Variants in PARPBP observed in about 807,000 individuals in gnomAD.
The protein encoded by PARPBP is PCNA-interacting partner.
A neutral mutation model predicts 50.0 loss-of-function variants in PARPBP; 52 were observed. The ratio of observed to expected loss-of-function variants is 1.04; its 90% CI spans 0.83 to 1.31. The LOEUF (loss-of-function observed/expected upper bound fraction) is 1.31, where lower values mean the gene tolerates loss of function less well. PARPBP is among the 50% of genes most tolerant of loss of function. The pLI is 0.00. For missense variants in PARPBP, 697 were observed against 672.0 expected, an observed-to-expected ratio of 1.04 and a Z score of -0.41; for synonymous variants, 244 against 232.1, an observed-to-expected ratio of 1.05 and a Z score of -0.47.
intron 4 of PARPBP, among the ~76,000 whole-genome samples, chr12:102,155,580 G>A (rs1045552258): frequency 1.6e-5 from 2 of 126,308 alleles, no homozygotes; most frequent in African/African-American, 3.0e-5. Context: ...ATCATCTATC[G>A]CCTGAGAGCA....
At chr12:102,168,201 A>G (rs1888343729) in intron 6 of PARPBP, among the ~76,000 whole-genome samples, 1 of 152,134 alleles carries the variant, frequency 6.6e-6, no homozygotes, top group Non-Finnish European at 1.5e-5. Flanking sequence ...GTTTTGGAAA[A>G]GAGCAGAGAT....
chr12:102,161,264 T>C (rs1003385525), intron 4 of PARPBP, among the ~76,000 whole-genome samples: 1 of 151,692 alleles, frequency 6.6e-6, no homozygotes, highest in Non-Finnish European at 1.5e-5. Context: ...TGCCACCACG[T>C]CCAGCTAATT....
chr12:102,138,918 G>T (rs184030108), intron 2 of PARPBP, among the ~76,000 whole-genome samples: 2 of 152,202 alleles, frequency 1.3e-5, no homozygotes, highest in African/African-American at 4.8e-5. Context: ...AAGTCAGGAA[G>T]CGTGATGCCT....
At chr12:102,144,978 T>C (rs1245288302) in intron 2 of PARPBP, among the ~76,000 whole-genome samples, 2 of 152,158 alleles carry the variant, frequency 1.3e-5, no homozygotes, top group African/African-American at 4.8e-5. Flanking sequence ...TCCATTTTCA[T>C]GACACAACAG....
At position 102,145,212 on chromosome 12, in the gene PARPBP, G is replaced by A. The variant is rs534719646; in HGVS notation, c.154-3018G>A. Among the ~76,000 whole-genome samples the A allele has an allele frequency of 3.7e-4, 57 of 152,024 alleles. 1 individual carries two copies. The highest frequency in any genetic ancestry group is 5.4e-4 in the Non-Finnish European group (37 of 67,936). ...CTTGATTTCTTTCTGTTTTTGTTGT[G>A]TAAAGTTTATATTGTAGTTTAGTTC... is the stretch of plus-strand genomic sequence containing the variant. On this transcript the variant is annotated intron_variant, in intron 2 of 10. Transcript: ENST00000327680.
At chr12:102,139,292 G>A (rs1217362886) in intron 2 of PARPBP, among the ~76,000 whole-genome samples, 1 of 151,354 alleles carries the variant, frequency 6.6e-6, no homozygotes, top group East Asian at 1.9e-4. Context: ...CTCTGTCTGT[G>A]ATTGGTGTAT....
At position 102,124,039 on chromosome 12, in the gene PARPBP, C is replaced by A. The variant is rs1209619401; in HGVS notation, c.151C>A (p.Gln51Lys). 1.3e-6 allele frequency: 2 copies of A among 1,533,026 alleles called. No individual in the cohort carries two copies. The highest frequency in any genetic ancestry group is 1.7e-6 in the Non-Finnish European group (2 of 1,144,640). 95.0% of individuals were successfully genotyped at this position (1,533,026 alleles called of 1,614,324 possible). A position where few individuals can be genotyped will look rare whatever the true frequency, so the allele number is the denominator to read the frequency against. ...GCTTTCTATGGCGGAGAACAACAAA[C>A]AGGTTGGTAAACTATATTTGGGTTA... ...LQLSMAENNKQHSGEFTVSLS... is the reference protein window; with the variant it reads ...LQLSMAENNKKHSGEFTVSLS... Residue 51 changes from glutamine (Q) to lysine (K), a missense_variant and splice_region_variant, in exon 2 of 11, where the codon CAG (glutamine) becomes AAG (lysine). Coordinates refer to ENST00000327680, the MANE Select transcript of PARPBP (RefSeq NM_017915.5).
intron 8 of PARPBP, among the ~76,000 whole-genome samples, chr12:102,181,285 A>C (rs564046176): frequency 6.6e-6 from 1 of 152,200 alleles, no homozygotes; most frequent in African/African-American, 2.4e-5. Context: ...TAAGCAAACT[A>C]TTAATATTTA....
intron 4 of PARPBP, among the ~76,000 whole-genome samples, chr12:102,155,651 C>T (rs1886801377): frequency 1.3e-5 from 2 of 149,086 alleles, no homozygotes; most frequent in East Asian, 2.0e-4. Flanking sequence ...CGAGCAGGAA[C>T]TTCAACACCC....
chr12:102,160,377 T>C (rs1887434730), intron 4 of PARPBP, among the ~76,000 whole-genome samples: 2 of 152,198 alleles, frequency 1.3e-5, no homozygotes, highest in South Asian at 4.1e-4. Flanking sequence ...TATATACATA[T>C]TTGTTAAGTT....
intron 2 of PARPBP, among the ~76,000 whole-genome samples, chr12:102,134,719 C>T (rs1040325138): frequency 3.3e-5 from 5 of 152,120 alleles, no homozygotes; most frequent in Admixed American, 2.6e-4. Context: ...ACTCTGTCGC[C>T]CAGGCTGGAG....
At chr12:102,148,202 T>A (rs767291778) in intron 2 of PARPBP, 28 bp from the exon 3 acceptor site, 13 of 960,014 alleles carry the variant, frequency 1.4e-5, no homozygotes, top group South Asian at 3.2e-5. Flanking sequence ...AACTTTATTT[T>A]TTTTTTTTTT....
At chr12:102,165,609 T>G in intron 5 of PARPBP, 120 bp from the exon 6 acceptor site, 2 of 743,000 alleles carry the variant, frequency 2.7e-6, no homozygotes, top group South Asian at 3.5e-5. Flanking sequence ...TCATGAGCCA[T>G]AAAATGTGCT....
At chr12:102,183,572 A>G (rs1890033896) in intron 9 of PARPBP, among the ~76,000 whole-genome samples, 2 of 152,140 alleles carry the variant, frequency 1.3e-5, no homozygotes, top group South Asian at 4.1e-4. Context: ...TGTGAATAAA[A>G]TTTGTCAATT....
At chr12:102,144,253 T>C (rs1430071331) in intron 2 of PARPBP, among the ~76,000 whole-genome samples, 1 of 152,250 alleles carries the variant, frequency 6.6e-6, no homozygotes, top group Non-Finnish European at 1.5e-5. Flanking sequence ...TATGATATAA[T>C]GTACAAAGTA....
At chr12:102,160,903 G>A (rs185280411) in intron 4 of PARPBP, among the ~76,000 whole-genome samples, 284 of 151,758 alleles carry the variant, frequency 1.9e-3, no homozygotes, top group African/African-American at 3.3e-3. Flanking sequence ...AGCCGAGATC[G>A]TGTCATTGCA....
Position 102,195,369 on chromosome 12 carries a change from A to T in PARPBP, c.1321A>T (p.Ile441Leu). 1 of 1,588,710 alleles carries T rather than the reference A, an allele frequency of 6.3e-7. No individual in the cohort carries two copies. The highest frequency in any genetic ancestry group is 8.6e-7 in the Non-Finnish European group (1 of 1,160,702). ...FACTYKDDYM[I>L]SKDNWNNVNL... Reference sequence around the variant, plus strand: ...TTGTACTTATAAAGATGACTACATGATAAGCAAGGATAATTGGAATAATGT... The same window carrying T: ...TTGTACTTATAAAGATGACTACATGTTAAGCAAGGATAATTGGAATAATGT... Residue 441 changes from isoleucine to leucine, a missense_variant, in exon 10 of 11, where the codon ATA becomes TTA. By Grantham distance (5) the Ile-to-Leu change is conservative (BLOSUM62 2). Coordinates refer to ENST00000327680, the MANE Select transcript of PARPBP (RefSeq NM_017915.5).
chr12:102,174,695 A>G (rs1440933330), intron 6 of PARPBP, among the ~76,000 whole-genome samples: 2 of 152,104 alleles, frequency 1.3e-5, no homozygotes, highest in Non-Finnish European at 2.9e-5. Flanking sequence ...TATTGGACAC[A>G]CCTCATTTCT....
intron 9 of PARPBP, among the ~76,000 whole-genome samples, chr12:102,187,994 G>A (rs1890456586): frequency 6.6e-6 from 1 of 152,148 alleles, no homozygotes; most frequent in Non-Finnish European, 1.5e-5. Flanking sequence ...CCTGGGATTT[G>A]TTGCTACTTT....
Sources: gnomAD v4.1 joint callset for allele counts (sites outside exome capture counted in the v4.1 genomes callset) on GRCh38, gnomAD v4.1.1 for gene constraint, MANE v1.5 for transcripts, NCBI Gene and HGNC (gene_info 2026-07-23, HGNC 2026-07-21) for gene names.